ADAMTS17: variants seen among roughly 807,000 people sequenced by gnomAD.
ADAMTS17 encodes ADAM metallopeptidase with thrombospondin type 1 motif 17.
Under a neutral mutation model 141.5 loss-of-function variants are expected in ADAMTS17, and 113 were observed. That is an observed-to-expected ratio of 0.80 (90% CI 0.69 to 0.93). The LOEUF (loss-of-function observed/expected upper bound fraction) is 0.93. Ranked by LOEUF, ADAMTS17 falls within the 40% of genes least tolerant of loss-of-function variation. The pLI, the probability that ADAMTS17 is intolerant of heterozygous loss-of-function variation, is 0.00. For missense variants in ADAMTS17, 1,659 were observed against 1,517.9 expected, an observed-to-expected ratio of 1.09 and a Z score of -1.54; for synonymous variants, 768 against 630.6, an observed-to-expected ratio of 1.22 and a Z score of -3.27.
intron 18 of ADAMTS17, among the ~76,000 whole-genome samples, chr15:100,017,366 C>A (rs954876791): frequency 4.6e-5 from 7 of 152,196 alleles, no homozygotes; most frequent in Non-Finnish European, 2.9e-5. Context: ...TGCCCTCCCC[C>A]CAAGTTCTGG....
Position 99,974,258 on chromosome 15 carries a change from G to A in ADAMTS17, c.*144C>T. ...TATATTAAGTACGGAAGCACTAATG[G>A]CAAACGCCAAGTCCACGCTCATGTT... On this transcript the variant is annotated 3_prime_UTR_variant, in exon 22 of 22. Coordinates refer to ENST00000268070, the MANE Select transcript of ADAMTS17 (RefSeq NM_139057.4). The A allele has an allele frequency of 3.8e-6, 4 of 1,055,338 alleles. No individual in the cohort carries two copies. The highest frequency in any genetic ancestry group is 4.3e-6 in the Non-Finnish European group (3 of 702,936). The allele number at this position is 1,055,338 out of a possible 1,614,324, so 65.4% of individuals were successfully genotyped here.
chr15:100,119,395 A>C (rs1434098767), intron 12 of ADAMTS17, among the ~76,000 whole-genome samples: 1 of 152,232 alleles, frequency 6.6e-6, no homozygotes, highest in African/African-American at 2.4e-5. Flanking sequence ...ACTGGAAGGG[A>C]GTAAAGAAAT....
At chr15:100,190,185 AT>A (rs2040866048) in intron 8 of ADAMTS17, among the ~76,000 whole-genome samples, 1 of 152,108 alleles carries the variant, frequency 6.6e-6, no homozygotes, top group Admixed American at 6.5e-5. Flanking sequence ...ACTGATGTAT[AT>A]TTTTTTCCAA....
At chr15:99,983,500 C>G (rs1461281967) in intron 20 of ADAMTS17, among the ~76,000 whole-genome samples, 1 of 152,214 alleles carries the variant, frequency 6.6e-6, no homozygotes, top group East Asian at 1.9e-4. Flanking sequence ...CCCCTAGCTT[C>G]TCCCAGCTGT....
At chr15:100,194,034 C>G (rs1274436373) in intron 8 of ADAMTS17, among the ~76,000 whole-genome samples, 2 of 152,238 alleles carry the variant, frequency 1.3e-5, no homozygotes, top group Non-Finnish European at 2.9e-5. Context: ...CTCACTCCAA[C>G]AAAGGCAGAG....
intron 8 of ADAMTS17, among the ~76,000 whole-genome samples, chr15:100,155,733 G>A (rs2039404458): frequency 6.6e-6 from 1 of 152,272 alleles, no homozygotes; most frequent in South Asian, 2.1e-4. Flanking sequence ...GAATCACTGG[G>A]TACCATCCTA....
chr15:100,073,662 G>C (rs1402933734), intron 15 of ADAMTS17, among the ~76,000 whole-genome samples: 1 of 150,192 alleles, frequency 6.7e-6, no homozygotes, highest in Non-Finnish European at 1.5e-5. Flanking sequence ...CTATCACAAG[G>C]ACAAAAAACC....
At chr15:100,105,669 T>C (rs74037367) in intron 14 of ADAMTS17, among the ~76,000 whole-genome samples, 7,212 of 152,228 alleles carry the variant, frequency 0.047, 389 homozygotes, top group African/African-American at 0.13. Flanking sequence ...AAGAAGAGGC[T>C]AGAGAGCTAG....
intron 3 of ADAMTS17, among the ~76,000 whole-genome samples, chr15:100,316,300 A>AT (rs889976442): frequency 2.0e-5 from 3 of 151,858 alleles, no homozygotes; most frequent in African/African-American, 7.3e-5. Context: ...CTGGCCTTTG[A>AT]TTTTTTACAG....
chr15:100,216,560 A>G (rs1353441097), intron 7 of ADAMTS17, among the ~76,000 whole-genome samples: 2 of 152,186 alleles, frequency 1.3e-5, no homozygotes, highest in East Asian at 3.9e-4. Flanking sequence ...CTGGAACCGC[A>G]CTGTGCCTCC....
At chr15:100,330,830 C>A (rs979209832) in intron 3 of ADAMTS17, 59 bp downstream of exon 3, 115 of 1,597,752 alleles carry the variant, frequency 7.2e-5, no homozygotes, top group Non-Finnish European at 9.4e-5. Context: ...CTTGGAGACA[C>A]ACAAAGGATG....
In ADAMTS17 at chr15:99,999,552, G is replaced by A. The variant is rs189081608; in HGVS notation, c.2592-1963C>T. 2.8e-3 allele frequency among the ~76,000 whole-genome samples: 423 copies of A among 152,230 alleles called. 1 individual carries two copies. Among genetic ancestry groups the A allele is most frequent in the African/African-American group, 9.5e-3 (394 of 41,544 alleles). On this transcript the variant is annotated intron_variant, in intron 18 of 21. Transcript: ENST00000268070. ...GAGGCGGAGTGAGGAAGGGGAGAGC[G>A]AGGGGAAAGGATGGGATTTGGGGGG...
chr15:100,105,216 G>C (rs944829369), intron 14 of ADAMTS17, among the ~76,000 whole-genome samples: 3 of 152,244 alleles, frequency 2.0e-5, no homozygotes, highest in Non-Finnish European at 4.4e-5. Flanking sequence ...AGCCACCCGG[G>C]AGATGGTGCT....
intron 7 of ADAMTS17, among the ~76,000 whole-genome samples, chr15:100,208,757 AAGG>A (rs2041677514): frequency 1.8e-4 from 1 of 5,568 alleles, no homozygotes; most frequent in Non-Finnish European, 2.3e-3. Context: ...TGTGAAATAG[AAGG>A]AGAAGAGGCC....
intron 13 of ADAMTS17, among the ~76,000 whole-genome samples, chr15:100,109,756 ACCTCCCAGAACGCGCCCAGCTCCCCAG>A (rs1363076499): frequency 6.6e-6 from 1 of 151,782 alleles, no homozygotes; most frequent in Non-Finnish European, 1.5e-5. Flanking sequence ...AAAACACATG[ACCTCCCAGAACGCGCCCAGCTCCCCAG>A]CCTTTGCCCG....
At chr15:100,141,255 G>A (rs535873479) in intron 10 of ADAMTS17, among the ~76,000 whole-genome samples, 1 of 152,190 alleles carries the variant, frequency 6.6e-6, no homozygotes, top group Non-Finnish European at 1.5e-5. Flanking sequence ...GGTTTGAGCT[G>A]CTCAGATGGC....
rs1470806931 is a variant in ADAMTS17, at chr15:99,974,572, T to G, written c.3128-10A>C. On this transcript the variant is annotated splice_polypyrimidine_tract_variant and intron_variant, in intron 21 of 21. Transcript: ENST00000268070. ...TTGTAGGTCAGAGCAGCTAAGGGGATAGGAGAGAGAATACCCAGGGTCAGG... is the reference window on the plus strand; with the variant it reads ...TTGTAGGTCAGAGCAGCTAAGGGGAGAGGAGAGAGAATACCCAGGGTCAGG... 1.2e-6 allele frequency: 2 copies of G among 1,614,096 alleles called. No homozygotes were observed. Among genetic ancestry groups the G allele is most frequent in the South Asian group, 1.1e-5 (1 of 91,072 alleles).
chr15:100,055,504 G>A (rs908196872), intron 15 of ADAMTS17, among the ~76,000 whole-genome samples: 1 of 152,158 alleles, frequency 6.6e-6, no homozygotes, highest in Admixed American at 6.5e-5. Context: ...ACTGCCAAGA[G>A]AAACAGGTTC....
rs73482730 is a variant in ADAMTS17 at position 100,027,026 on chromosome 15, T to G, written c.2591+21831A>C. ...TCAGTGGTATCACATTGTGTTTTAA[T>G]GTGTACAAGTGGAGAATACAGGTGA... is the stretch of plus-strand genomic sequence containing the variant. On this transcript the variant is annotated intron_variant, in intron 18 of 21. Transcript: ENST00000268070. Among the ~76,000 whole-genome samples the G allele has an allele frequency of 6.7e-3, 1,024 of 152,326 alleles. 17 individuals are homozygous for G. The highest frequency in any genetic ancestry group is 0.024 in the African/African-American group (977 of 41,566).
Sources: allele counts gnomAD v4.1 joint callset (sites outside exome capture counted in the v4.1 genomes callset), GRCh38; gene constraint gnomAD v4.1.1; transcripts MANE v1.5; gene names NCBI Gene and HGNC (gene_info 2026-07-23, HGNC 2026-07-21).